Variants in RPS6KC1 observed in about 807,000 individuals in gnomAD.
RPS6KC1 encodes the protein inactive ribosomal protein S6 kinase delta-1.
A neutral mutation model predicts 103.8 loss-of-function variants in RPS6KC1; 54 were observed. That is an observed-to-expected ratio of 0.52 (90% confidence interval 0.42 to 0.65). The LOEUF (loss-of-function observed/expected upper bound fraction) is 0.65. Ranked by LOEUF, RPS6KC1 falls within the 30% of genes least tolerant of loss-of-function variation. RPS6KC1 has a pLI of 0.00. For synonymous variants in RPS6KC1, 439 were observed against 438.7 expected (o/e 1.00, Z -0.01); for missense variants, 1,151 against 1,253.8 (o/e 0.92, Z 1.24).
chr1:213,095,295 T>G (rs751209334), intron 3 of RPS6KC1, among the ~76,000 whole-genome samples: 1 of 152,224 alleles, frequency 6.6e-6, no homozygotes, highest in Non-Finnish European at 1.5e-5. Context: ...TTGATATAGT[T>G]AAGAATCATC....
the RPS6KC1 span, among the ~76,000 whole-genome samples, chr1:213,485,995 G>A: frequency 2.6e-5 from 4 of 152,110 alleles, no homozygotes; most frequent in African/African-American, 9.7e-5. Context: ...TGCAGCTGAG[G>A]CCCTTGCTGC....
chr1:213,217,334 A>T (rs374183036), intron 8 of RPS6KC1, among the ~76,000 whole-genome samples: 4 of 151,988 alleles, frequency 2.6e-5, no homozygotes, highest in African/African-American at 7.3e-5. Context: ...AGAAGTTGAA[A>T]CTCTGAATAG....
chr1:213,829,976 C>T, the RPS6KC1 span, among the ~76,000 whole-genome samples: 22 of 152,132 alleles, frequency 1.4e-4, no homozygotes, highest in Admixed American at 9.8e-4. Flanking sequence ...CCCCATCTGC[C>T]GAGACTTTGC....
chr1:213,373,822 C>G, the RPS6KC1 span, among the ~76,000 whole-genome samples: 1 of 152,324 alleles, frequency 6.6e-6, no homozygotes, highest in East Asian at 1.9e-4. Context: ...GATGCCCTAT[C>G]ACATCCTCTT....
chr1:213,499,417 G>A, the RPS6KC1 span, among the ~76,000 whole-genome samples: 143 of 152,300 alleles, frequency 9.4e-4, no homozygotes, highest in African/African-American at 3.2e-3. Context: ...GTAGTAGGTC[G>A]GAGTGGTGGG....
chr1:213,829,104 T>C, the RPS6KC1 span, among the ~76,000 whole-genome samples: 7 of 152,146 alleles, frequency 4.6e-5, no homozygotes, highest in East Asian at 3.9e-4. Flanking sequence ...ATGAATCTTG[T>C]AGTCCCGACG....
chr1:213,365,096 G>T, the RPS6KC1 span, among the ~76,000 whole-genome samples: 1 of 152,170 alleles, frequency 6.6e-6, no homozygotes, highest in East Asian at 1.9e-4. Flanking sequence ...TGGATTTAGG[G>T]TTAGAGAAAT....
At chr1:213,752,950 G>A in the RPS6KC1 span, among the ~76,000 whole-genome samples, 1 of 152,220 alleles carries the variant, frequency 6.6e-6, no homozygotes, top group Admixed American at 6.5e-5. Context: ...TTCTGAGATA[G>A]TGGGAGACTG....
intron 8 of RPS6KC1, among the ~76,000 whole-genome samples, chr1:213,183,831 G>C (rs1298179130): frequency 1.3e-5 from 2 of 152,054 alleles, no homozygotes; most frequent in Non-Finnish European, 2.9e-5. Context: ...AAAAATTTTT[G>C]CGTAAAGCTG....
At chr1:213,423,175 T>G in the RPS6KC1 span, among the ~76,000 whole-genome samples, 2 of 152,188 alleles carry the variant, frequency 1.3e-5, no homozygotes, top group Non-Finnish European at 2.9e-5. Flanking sequence ...GAATGTGACT[T>G]TATTTGTTTT....
At chr1:213,223,300 T>A (rs1252035598) in intron 8 of RPS6KC1, among the ~76,000 whole-genome samples, 5 of 152,214 alleles carry the variant, frequency 3.3e-5, no homozygotes, top group Non-Finnish European at 7.3e-5. Context: ...GAGATTTAAG[T>A]GCATCCATTA....
At chr1:213,647,508 C>G in the RPS6KC1 span, among the ~76,000 whole-genome samples, 2 of 152,240 alleles carry the variant, frequency 1.3e-5, no homozygotes, top group East Asian at 3.9e-4. Context: ...GGTACCGATT[C>G]TTGTTCTACC....
the RPS6KC1 span, among the ~76,000 whole-genome samples, chr1:213,426,888 T>C: frequency 1.3e-5 from 2 of 152,222 alleles, no homozygotes; most frequent in East Asian, 3.8e-4. Flanking sequence ...ATAAAACCCC[T>C]ACTATGTTTG....
At chr1:213,256,917 G>A (rs2094658957) in intron 12 of RPS6KC1, among the ~76,000 whole-genome samples, 3 of 152,214 alleles carry the variant, frequency 2.0e-5, no homozygotes, top group South Asian at 4.1e-4. Context: ...CTTGACTGTA[G>A]AGGTGATACG....
intron 6 of RPS6KC1, among the ~76,000 whole-genome samples, chr1:213,143,384 T>A (rs1425423674): frequency 6.6e-6 from 1 of 152,000 alleles, no homozygotes; most frequent in Admixed American, 6.6e-5. Flanking sequence ...TAGCATTTTA[T>A]CAGTTTTTTT....
chr1:213,672,051 C>A, the RPS6KC1 span, among the ~76,000 whole-genome samples: 1 of 152,170 alleles, frequency 6.6e-6, no homozygotes. Flanking sequence ...TTCATTCTTA[C>A]TTCTACTATC....
intron 6 of RPS6KC1, among the ~76,000 whole-genome samples, chr1:213,150,996 AC>A (rs775626806): frequency 0.72 from 86,806 of 121,252 alleles, 30,192 homozygotes; most frequent in African/African-American, 0.84. Context: ...CAGGGGGCTG[AC>A]CCCCCCCACC....
the RPS6KC1 span, among the ~76,000 whole-genome samples, chr1:213,738,793 G>A: frequency 2.0e-5 from 3 of 151,130 alleles, no homozygotes; most frequent in African/African-American, 7.3e-5. Context: ...TCAAGAGTTT[G>A]AGACCAGCCT....
At chr1:213,263,008 A>G (rs193131936) in intron 14 of RPS6KC1, among the ~76,000 whole-genome samples, 192 bp downstream of exon 14, 5 of 152,320 alleles carry the variant, frequency 3.3e-5, no homozygotes, top group Admixed American at 2.6e-4. Flanking sequence ...GTCAGAGAGT[A>G]TAGTTAAAAC....
Sources: allele counts gnomAD v4.1 joint callset (sites outside exome capture counted in the v4.1 genomes callset), GRCh38; gene constraint gnomAD v4.1.1; transcripts MANE v1.5; gene names NCBI Gene and HGNC (gene_info 2026-07-23, HGNC 2026-07-21).